Variants in PAM observed in about 807,000 individuals in gnomAD.
PAM encodes the protein peptidylglycine alpha-amidating monooxygenase.
In PAM, 72 loss-of-function variants were observed where a neutral mutation model predicts 122.1. That is an observed-to-expected ratio of 0.59 (90% CI 0.49 to 0.72). PAM has a LOEUF of 0.72. PAM is among the 30% of genes least tolerant of loss of function. The pLI is 0.00. For synonymous variants in PAM, 389 were observed against 404.4 expected, an observed-to-expected ratio of 0.96 and a Z score of 0.46; for missense variants, 1,106 against 1,183.7, an observed-to-expected ratio of 0.93 and a Z score of 0.96.
chr5:102,790,314 T>A (rs1313837419), intron 1 of PAM, among the ~76,000 whole-genome samples: 1 of 152,072 alleles, frequency 6.6e-6, no homozygotes, highest in Non-Finnish European at 1.5e-5. Flanking sequence ...AAACAGTAAC[T>A]TTATCTGAGG....
chr5:102,946,867 T>C lies in PAM; in HGVS notation c.557T>C (p.Leu186Ser). The C allele has an allele frequency of 1.2e-6, 2 of 1,602,104 alleles. No individual in the cohort carries two copies. The highest frequency in any genetic ancestry group is 1.7e-6 in the Non-Finnish European group (2 of 1,169,768). Residue 186 changes from leucine to serine, a missense_variant, in exon 8 of 26, where the codon TTA becomes TCA. By Grantham distance (145) the Leu-to-Ser change is moderately radical. This residue lies in a region of PAM where 670 missense variants were observed against 690.3 expected (regional missense o/e 0.97). Transcript: ENST00000438793. ...DNNKDCSGVS[L>S]HLTRLPQPLI... ...AACAAGGACTGTTCTGGTGTGTCCT[T>C]ACACCTCACACGTCTGCCGTAAGTA...
intron 22 of PAM, among the ~76,000 whole-genome samples, chr5:103,018,751 C>T (rs1352155680): frequency 6.6e-6 from 1 of 152,166 alleles, no homozygotes; most frequent in Non-Finnish European, 1.5e-5. Context: ...TGGATAGGAA[C>T]ATGATTCCTG....
At chr5:102,958,730 T>C (rs979626732) in intron 12 of PAM, among the ~76,000 whole-genome samples, 1 of 152,186 alleles carries the variant, frequency 6.6e-6, no homozygotes, top group African/African-American at 2.4e-5. Context: ...TTTTCAAAGC[T>C]TAGAGAAATC....
chr5:102,974,927 G>T (rs1767115711), intron 15 of PAM: 2 of 152,218 alleles, frequency 1.3e-5, no homozygotes, highest in African/African-American at 4.8e-5. Flanking sequence ...CCATTTTTAT[G>T]ATTTTGATTT....
At chr5:102,841,359 C>A (rs757381255) in intron 1 of PAM, among the ~76,000 whole-genome samples, 1 of 150,852 alleles carries the variant, frequency 6.6e-6, no homozygotes, top group African/African-American at 2.4e-5. Flanking sequence ...AGAATTAAGT[C>A]TTGTTTTTCT....
At chr5:102,943,100 G>A (rs1407358891) in intron 7 of PAM, among the ~76,000 whole-genome samples, 38 of 152,054 alleles carry the variant, frequency 2.5e-4, no homozygotes, top group Non-Finnish European at 1.0e-4. Flanking sequence ...CCCAATTAGT[G>A]GGACGTAGTT....
intron 1 of PAM, among the ~76,000 whole-genome samples, chr5:102,775,295 T>G (rs1232687015): frequency 6.6e-6 from 1 of 152,108 alleles, no homozygotes; most frequent in Non-Finnish European, 1.5e-5. Context: ...AATTTTGTGT[T>G]ACTTTAAGAA....
intron 3 of PAM, among the ~76,000 whole-genome samples, chr5:102,890,409 G>A (rs1016587362): frequency 6.6e-5 from 10 of 151,792 alleles, no homozygotes; most frequent in Non-Finnish European, 1.2e-4. Context: ...TAGAAGTTAC[G>A]TATGATAAGT....
At chr5:102,932,044 CT>C (rs1222894070) in intron 7 of PAM, among the ~76,000 whole-genome samples, 3 of 152,110 alleles carry the variant, frequency 2.0e-5, no homozygotes, top group Non-Finnish European at 4.4e-5. Flanking sequence ...CATCTCCAAA[CT>C]TTGGGGATTA....
At chr5:103,029,902 A>G (rs1013393037), downstream of PAM, 1 of 152,218 alleles carries the variant, frequency 6.6e-6, no homozygotes, top group Non-Finnish European at 1.5e-5. Context: ...CTGAGTTTAC[A>G]TAAATTTGTA....
chr5:103,008,180 A>G (rs566674408), intron 20 of PAM, among the ~76,000 whole-genome samples: 1 of 136,850 alleles, frequency 7.3e-6, no homozygotes, highest in Non-Finnish European at 1.5e-5. Flanking sequence ...AAAATCTGAA[A>G]AATAATTCAG....
intron 5 of PAM, among the ~76,000 whole-genome samples, chr5:102,923,800 G>A (rs1449203831): frequency 6.6e-6 from 1 of 152,164 alleles, no homozygotes; most frequent in African/African-American, 2.4e-5. Flanking sequence ...CTGCTAAGGG[G>A]TGGTTCTAAA....
chr5:102,913,256 G>A (rs1801987934), intron 4 of PAM, among the ~76,000 whole-genome samples: 2 of 151,890 alleles, frequency 1.3e-5, no homozygotes, highest in South Asian at 2.1e-4. Context: ...TTTTAATTAT[G>A]CACTTGTTTA....
intron 7 of PAM, among the ~76,000 whole-genome samples, chr5:102,944,367 T>C (rs1756299751): frequency 6.6e-6 from 1 of 152,142 alleles, no homozygotes; most frequent in Non-Finnish European, 1.5e-5. Flanking sequence ...GGTATTTGCC[T>C]GTGTACCTTT....
At chr5:103,023,614 T>G (rs774990277) in intron 23 of PAM, among the ~76,000 whole-genome samples, 3 of 152,066 alleles carry the variant, frequency 2.0e-5, no homozygotes, top group Non-Finnish European at 4.4e-5. Context: ...TCTAGGTCTA[T>G]GAACCACTCC....
At chr5:102,932,652 A>T (rs1403355321) in intron 7 of PAM, among the ~76,000 whole-genome samples, 5 of 148,854 alleles carry the variant, frequency 3.4e-5, no homozygotes, top group African/African-American at 7.4e-5. Flanking sequence ...TAAATAAATA[A>T]ATATATATAT....
chr5:102,874,309 T>C (rs2151042859), intron 3 of PAM, among the ~76,000 whole-genome samples: 1 of 152,330 alleles, frequency 6.6e-6, no homozygotes, highest in South Asian at 2.1e-4. Context: ...ATGAATTAAG[T>C]AGATTACAAA....
At position 102,821,770 on chromosome 5, in the gene PAM, C is replaced by G. The variant is rs1324083679; in HGVS notation, c.-373-44053C>G. ...GATTGGGATTACTTGGACAGACTGG[C>G]TCCAGATTACCGCACAGTAGATCCC... On this transcript the variant is annotated intron_variant, in intron 1 of 25. Transcript: ENST00000438793. Among the ~76,000 whole-genome samples the G allele has an allele frequency of 3.3e-5, 5 of 152,156 alleles. No individual in the cohort carries two copies. The East Asian group carries it at 9.6e-4, about 29-fold the overall frequency.
intron 1 of PAM, among the ~76,000 whole-genome samples, chr5:102,801,341 C>T (rs553001956): frequency 8.5e-5 from 13 of 152,130 alleles, no homozygotes; most frequent in African/African-American, 1.9e-4. Context: ...ATTCACAGCC[C>T]GCAGATTATA....
Sources: gnomAD v4.1 joint callset for allele counts (sites outside exome capture counted in the v4.1 genomes callset) on GRCh38, gnomAD v4.1.1 for gene constraint, gnomAD v4.1.1 regional missense constraint, MANE v1.5 for transcripts, NCBI Gene and HGNC (gene_info 2026-07-23, HGNC 2026-07-21) for gene names.